Variants in CDKL1 observed in about 807,000 individuals in gnomAD.
CDKL1 encodes cyclin dependent kinase like 1.
Under a neutral mutation model 42.0 loss-of-function variants are expected in CDKL1, and 41 were observed. The observed-to-expected ratio is 0.98, with a 90% CI of 0.76 to 1.27. The LOEUF (loss-of-function observed/expected upper bound fraction) is 1.27. CDKL1 is among the 50% of genes most tolerant of loss of function. CDKL1 has a pLI of 0.00. For missense variants in CDKL1, 394 were observed against 428.4 expected (o/e 0.92, Z 0.71); for synonymous variants, 153 against 158.6 (o/e 0.96, Z 0.26).
chr14:50,335,439 C>T (rs1402004395), intron 7 of CDKL1: 2 of 1,519,682 alleles, frequency 1.3e-6, no homozygotes, highest in South Asian at 2.4e-5. Flanking sequence ...CCCACTAGGG[C>T]CTGCTGCTTC....
chr14:50,364,335 G>A (rs938765233), intron 2 of CDKL1, among the ~76,000 whole-genome samples: 19 of 152,146 alleles, frequency 1.2e-4, no homozygotes, highest in African/African-American at 4.1e-4. Context: ...TGGGCGTGGC[G>A]GCACGCACCT....
intron 2 of CDKL1, among the ~76,000 whole-genome samples, chr14:50,370,638 C>T (rs1039906551): frequency 6.6e-6 from 1 of 152,100 alleles, no homozygotes; most frequent in Non-Finnish European, 1.5e-5. Flanking sequence ...ATGGTTCTGC[C>T]GGCTTTACAG....
intron 2 of CDKL1, among the ~76,000 whole-genome samples, chr14:50,381,192 T>C (rs932603783): frequency 1.2e-4 from 19 of 152,206 alleles, no homozygotes; most frequent in Non-Finnish European, 2.4e-4. Flanking sequence ...ATTCAGGCCA[T>C]ATGACTTGGC....
intron 3 of CDKL1, among the ~76,000 whole-genome samples, chr14:50,358,803 C>T (rs2034145298): frequency 6.6e-6 from 1 of 151,754 alleles, no homozygotes; most frequent in South Asian, 2.1e-4. Context: ...CCACGCCCAG[C>T]TAATTTTTGT....
At chr14:50,343,177 G>GTTTTTT (rs1566580369) in intron 4 of CDKL1, 12 of 400,732 alleles carry the variant, frequency 3.0e-5, no homozygotes, top group African/African-American at 2.2e-4. Context: ...TTTTTTTTGA[G>GTTTTTT]TTGGGTCAAA....
intron 2 of CDKL1, among the ~76,000 whole-genome samples, chr14:50,386,937 G>C (rs1289872518): frequency 6.6e-6 from 1 of 151,662 alleles, no homozygotes; most frequent in Non-Finnish European, 1.5e-5. Context: ...TGAGGCAGGA[G>C]AATCACTTGA....
chr14:50,338,023 A>AT (rs2033370977), intron 7 of CDKL1, among the ~76,000 whole-genome samples: 1 of 152,172 alleles, frequency 6.6e-6, no homozygotes, highest in Admixed American at 6.5e-5. Flanking sequence ...CTGATGGAAT[A>AT]CTAAAGGAAA....
At chr14:50,365,246 A>C (rs1480814570) in intron 2 of CDKL1, among the ~76,000 whole-genome samples, 2 of 152,116 alleles carry the variant, frequency 1.3e-5, no homozygotes, top group Admixed American at 1.3e-4. Context: ...GCCTATAGAC[A>C]ATTTAAGGCT....
chr14:50,370,900 C>G (rs1329661956), intron 2 of CDKL1, among the ~76,000 whole-genome samples: 1 of 152,200 alleles, frequency 6.6e-6, no homozygotes, highest in African/African-American at 2.4e-5. Flanking sequence ...CCATCTCCAG[C>G]ACTGGGGATT....
chr14:50,343,177 G>GTTTTTCT (rs1566580369), intron 4 of CDKL1: 1 of 400,758 alleles, frequency 2.5e-6, no homozygotes. Context: ...TTTTTTTTGA[G>GTTTTTCT]TTGGGTCAAA....
At chr14:50,395,382 G>A (rs11570784) in intron 2 of CDKL1, among the ~76,000 whole-genome samples, 5,882 of 152,298 alleles carry the variant, frequency 0.039, 180 homozygotes, top group Admixed American at 0.11. Context: ...AGTGACTTGT[G>A]CACAGATATC....
At chr14:50,341,388 T>G (rs1015700179) in intron 5 of CDKL1, among the ~76,000 whole-genome samples, 156 bp from the exon 6 acceptor site, 3 of 144,448 alleles carry the variant, frequency 2.1e-5, no homozygotes, top group Non-Finnish European at 4.5e-5. Context: ...CTTAAATAAA[T>G]ATTTTGTAAA....
At position 50,332,140 on chromosome 14, in the gene CDKL1, A is replaced by G. The variant is rs769266903; in HGVS notation, c.966+122T>C. 3.1e-6 allele frequency: 5 copies of G among 1,612,184 alleles called. No individual in the cohort carries two copies. In the South Asian group the frequency reaches 4.4e-5, roughly 14 times the overall value. On this transcript the variant is annotated intron_variant, in intron 9 of 9. Transcript: ENST00000395834. ...CCTGGGGCCCTGGTTGATAGATCCTATGACCTGTCTCCTAGTGCTGGAATG... is the reference window on the plus strand; with the variant it reads ...CCTGGGGCCCTGGTTGATAGATCCTGTGACCTGTCTCCTAGTGCTGGAATG...
intron 2 of CDKL1, chr14:50,380,303 C>T (rs1403396411): frequency 2.0e-6 from 1 of 494,886 alleles, no homozygotes; most frequent in African/African-American, 1.9e-5. Context: ...GTGGTGATGC[C>T]CATGCTAACC....
chr14:50,390,007 C>T (rs775138420), intron 2 of CDKL1: 19 of 545,946 alleles, frequency 3.5e-5, no homozygotes, highest in Admixed American at 2.0e-5. Flanking sequence ...TATCTACCTT[C>T]TAAGGTTGTT....
At chr14:50,392,174 G>T (rs930463142) in intron 2 of CDKL1, among the ~76,000 whole-genome samples, 2 of 152,178 alleles carry the variant, frequency 1.3e-5, no homozygotes, top group African/African-American at 4.8e-5. Flanking sequence ...GGCCAGGAGC[G>T]GGGGCTCACG....
chr14:50,348,360 G>A (rs766500683), intron 3 of CDKL1, among the ~76,000 whole-genome samples: 6 of 152,142 alleles, frequency 3.9e-5, no homozygotes, highest in Non-Finnish European at 5.9e-5. Flanking sequence ...TCCACTACTG[G>A]GCAGAAGGCT....
chr14:50,357,907 A>C, intron 3 of CDKL1: 1 of 474,482 alleles, frequency 2.1e-6, no homozygotes, highest in Non-Finnish European at 3.9e-6. Flanking sequence ...TTTGCAAGGC[A>C]CAATGAAGAA....
intron 6 of CDKL1, among the ~76,000 whole-genome samples, chr14:50,340,194 A>G (rs2139392627): frequency 6.6e-6 from 1 of 152,290 alleles, no homozygotes; most frequent in South Asian, 2.1e-4. Flanking sequence ...CTTCCATGTC[A>G]CCCAACAAAG....
Sources: gnomAD v4.1 joint callset for allele counts (sites outside exome capture counted in the v4.1 genomes callset) on GRCh38, gnomAD v4.1.1 for gene constraint, MANE v1.5 for transcripts, NCBI Gene and HGNC (gene_info 2026-07-23, HGNC 2026-07-21) for gene names.